CAMK2D: variants seen among roughly 807,000 people sequenced by gnomAD.
CAMK2D encodes the protein calcium/calmodulin dependent protein kinase II delta, also known as calcium/calmodulin-dependent protein kinase type II subunit delta.
CAMK2D carries 37 observed loss-of-function variants against 84.0 expected under a neutral mutation model. The ratio of observed to expected loss-of-function variants is 0.44; its 90% CI spans 0.34 to 0.58. The LOEUF is 0.58. Ranked by LOEUF, CAMK2D falls within the 20% of genes least tolerant of loss-of-function variation. The pLI is 0.02. For synonymous variants in CAMK2D, 202 were observed against 212.5 expected, an observed-to-expected ratio of 0.95 and a Z score of 0.43; for missense variants, 448 against 652.5, an observed-to-expected ratio of 0.69 and a Z score of 3.41.
chr4:113,677,813 G>C (rs7689663), intron 2 of CAMK2D, among the ~76,000 whole-genome samples: 3,061 of 151,986 alleles, frequency 0.02, 83 homozygotes, highest in African/African-American at 0.07. Context: ...CATGTATACA[G>C]AGGAAAAAAA....
chr4:113,519,586 T>C (rs2098331002), intron 8 of CAMK2D, among the ~76,000 whole-genome samples: 1 of 151,898 alleles, frequency 6.6e-6, no homozygotes, highest in Non-Finnish European at 1.5e-5. Flanking sequence ...CCTATTTAAA[T>C]AAACACCGTT....
chr4:113,519,279 T>C (rs2098326957), intron 8 of CAMK2D, among the ~76,000 whole-genome samples: 1 of 152,218 alleles, frequency 6.6e-6, no homozygotes, highest in Admixed American at 6.5e-5. Flanking sequence ...CTGAGACATT[T>C]AGCATTCTCA....
rs575818917 is a variant in CAMK2D at position 113,517,456 on chromosome 4, G to T, written c.696+107C>A. ...CTTAAGAGAGAGGGAAATAATATGA[G>T]AAAGTGGTAAAAATTATGGTTAAAA... On this transcript the variant is annotated intron_variant, in intron 9 of 20. Coordinates refer to ENST00000511664, the MANE Select transcript of CAMK2D (RefSeq NM_001321571.2). 1.5e-5 allele frequency: 8 copies of T among 521,418 alleles called. No homozygotes were observed. The South Asian group carries it at 3.2e-4, about 21-fold the overall frequency. The allele number at this position is 521,418 out of a possible 1,614,324, so 32.3% of individuals were successfully genotyped here.
chr4:113,545,250 A>G, intron 6 of CAMK2D, among the ~76,000 whole-genome samples: 1 of 152,180 alleles, frequency 6.6e-6, no homozygotes, highest in East Asian at 1.9e-4. Context: ...CTATGGTTCC[A>G]GAGGGCTTAT....
chr4:113,497,477 G>A (rs1398883969), intron 16 of CAMK2D, among the ~76,000 whole-genome samples: 3 of 152,236 alleles, frequency 2.0e-5, no homozygotes, highest in Non-Finnish European at 2.9e-5. Context: ...AGGTGCTCCA[G>A]ACTGAGGAAC....
Position 113,459,872 on chromosome 4 carries a change from C to T in CAMK2D, c.1306+275G>A, listed in dbSNP as rs59726221. On this transcript the variant is annotated intron_variant, in intron 18 of 20. Coordinates refer to ENST00000511664, the MANE Select transcript of CAMK2D (RefSeq NM_001321571.2). ...AACTCCTGACCTCAAGTGATCCACC[C>T]GCCTCGGCCCCCAAAGCACTGGGAT... Among the ~76,000 whole-genome samples the T allele has an allele frequency of 0.08, 12,098 of 151,976 alleles. 1,531 individuals are homozygous for T. Among genetic ancestry groups the T allele is most frequent in the African/African-American group, 0.27 (11,129 of 41,410 alleles).
At chr4:113,523,227 C>T (rs2098384115) in intron 8 of CAMK2D, among the ~76,000 whole-genome samples, 3 of 152,268 alleles carry the variant, frequency 2.0e-5, no homozygotes. Context: ...ACTAAGACTT[C>T]ACCTGTTTGC....
chr4:113,604,663 C>T (rs146126698), intron 4 of CAMK2D, among the ~76,000 whole-genome samples: 11 of 152,298 alleles, frequency 7.2e-5, no homozygotes, highest in Middle Eastern at 3.4e-3. Context: ...GTTTCAAAGA[C>T]ATTAATAACC....
intron 4 of CAMK2D, among the ~76,000 whole-genome samples, chr4:113,601,192 G>A (rs1044576468): frequency 2.0e-5 from 3 of 152,104 alleles, no homozygotes; most frequent in Non-Finnish European, 2.9e-5. Flanking sequence ...AACATGATAC[G>A]TGGGTAGAAG....
intron 3 of CAMK2D, among the ~76,000 whole-genome samples, chr4:113,627,273 T>C (rs1313130257): frequency 6.6e-6 from 1 of 152,176 alleles, no homozygotes; most frequent in African/African-American, 2.4e-5. Flanking sequence ...TTTATATCAT[T>C]TTTCCATTAC....
chr4:113,543,405 G>C (rs1457415868), intron 6 of CAMK2D, among the ~76,000 whole-genome samples: 3 of 148,050 alleles, frequency 2.0e-5, no homozygotes, highest in Non-Finnish European at 4.4e-5. Context: ...TTTTTGTAGG[G>C]ATGGGGGGTC....
At chr4:113,635,678 A>G (rs1305540962) in intron 3 of CAMK2D, among the ~76,000 whole-genome samples, 2 of 152,246 alleles carry the variant, frequency 1.3e-5, no homozygotes, top group African/African-American at 4.8e-5. Flanking sequence ...CATAATGTGA[A>G]TTAGGGAGTG....
At chr4:113,572,639 C>A (rs2098759130) in intron 4 of CAMK2D, among the ~76,000 whole-genome samples, 1 of 152,078 alleles carries the variant, frequency 6.6e-6, no homozygotes, top group African/African-American at 2.4e-5. Flanking sequence ...ATAACAGATG[C>A]TGGGGAGATT....
chr4:113,532,236 GA>G (rs1178738936), intron 7 of CAMK2D, among the ~76,000 whole-genome samples: 1 of 151,986 alleles, frequency 6.6e-6, no homozygotes, highest in Non-Finnish European at 1.5e-5. Context: ...TTACTTCTCT[GA>G]ACAAAAAAGA....
intron 4 of CAMK2D, among the ~76,000 whole-genome samples, chr4:113,589,088 C>T (rs948798738): frequency 6.6e-6 from 1 of 152,106 alleles, no homozygotes; most frequent in African/African-American, 2.4e-5. Flanking sequence ...ATATGCCTAG[C>T]ATGTCCCAGG....
rs1453375061 is a variant in CAMK2D at position 113,453,006 on chromosome 4, T to C, written c.*1539A>G. Reference sequence around the variant, plus strand: ...TTCTTTTTTGCTTCTGCTTTAAAAATAGGCTTCTGAGGACTGTGAATTACT... The same window carrying C: ...TTCTTTTTTGCTTCTGCTTTAAAAACAGGCTTCTGAGGACTGTGAATTACT... On this transcript the variant is annotated 3_prime_UTR_variant, in exon 21 of 21. Transcript: ENST00000511664. 6.6e-6 allele frequency: 1 copy of C among 152,352 alleles called. No individual in the cohort carries two copies. Among genetic ancestry groups the C allele is most frequent in the Non-Finnish European group, 1.5e-5 (1 of 68,038 alleles). The allele number at this position is 152,352 out of a possible 1,614,324, so 9.4% of individuals were successfully genotyped here.
At chr4:113,623,730 T>A (rs1233430804) in intron 3 of CAMK2D, among the ~76,000 whole-genome samples, 6 of 148,460 alleles carry the variant, frequency 4.0e-5, no homozygotes, top group Non-Finnish European at 8.9e-5. Context: ...AACATTGTTA[T>A]GCAGTGACTG....
At chr4:113,708,287 A>G (rs933060776) in intron 2 of CAMK2D, among the ~76,000 whole-genome samples, 23 of 152,386 alleles carry the variant, frequency 1.5e-4, no homozygotes, top group Non-Finnish European at 1.3e-4. Context: ...CAATGCCAGT[A>G]TAATCAGAAG....
At chr4:113,577,822 T>C (rs750382841) in intron 4 of CAMK2D, among the ~76,000 whole-genome samples, 10 of 152,162 alleles carry the variant, frequency 6.6e-5, no homozygotes, top group Non-Finnish European at 1.3e-4. Flanking sequence ...ATGGCATATT[T>C]TTCCCCATGT....
Sources: gnomAD v4.1 joint callset for allele counts (sites outside exome capture counted in the v4.1 genomes callset) on GRCh38, gnomAD v4.1.1 for gene constraint, MANE v1.5 for transcripts, NCBI Gene and HGNC (gene_info 2026-07-23, HGNC 2026-07-21) for gene names.